The following RDH12 variants were observed in gnomAD, a reference collection of about 807,000 sequenced individuals.
RDH12 encodes the protein retinol dehydrogenase 12, also known as all-trans and 9-cis retinol dehydrogenase.
RDH12 carries 21 observed loss-of-function variants against 34.0 expected under a neutral mutation model. The observed-to-expected ratio is 0.62, with a 90% CI of 0.44 to 0.89. The LOEUF (loss-of-function observed/expected upper bound fraction) is 0.89, where lower values mean the gene tolerates loss of function less well. Among genes scored for constraint, RDH12 ranks in the 40% least tolerant of loss-of-function variants. RDH12 has a pLI of 0.00. For synonymous variants in RDH12, 198 were observed against 169.9 expected (o/e 1.17, Z -1.29); for missense variants, 394 against 398.6 (o/e 0.99, Z 0.10).
At position 67,724,589 on chromosome 14, in the gene RDH12, G is replaced by T. The variant is rs778481181; in HGVS notation, c.185G>T (p.Arg62Leu). The T allele has an allele frequency of 8.5e-5, 137 of 1,611,080 alleles. 1 individual carries two copies. In the South Asian group the frequency reaches 1.5e-3, roughly 17 times the overall value. The change falls in exon 4 of 9, where the codon CGA (arginine) becomes CTA (leucine). Residue 62 changes from arginine to leucine, a missense_variant and splice_region_variant. Physicochemically the swap from Arg to Leu is moderately radical, Grantham distance 102. Coordinates refer to ENST00000551171, the MANE Select transcript of RDH12 (RefSeq NM_152443.3). ...GKETARELAS[R>L]GARVYIACRD... ...GAGACGGCCAGAGAGCTCGCTAGCC[G>T]AGGTAAGTGTTTCCCCTTTAGTCTC... is the stretch of plus-strand genomic sequence containing the variant.
At chr14:67,723,459 T>C (rs2038148423) in intron 3 of RDH12, among the ~76,000 whole-genome samples, 1 of 152,148 alleles carries the variant, frequency 6.6e-6, no homozygotes. Context: ...GGTCTCAAAC[T>C]CCTGGGCTTA....
chr14:67,707,275 C>T (rs950178555), intron 1 of RDH12, among the ~76,000 whole-genome samples: 1 of 152,158 alleles, frequency 6.6e-6, no homozygotes, highest in East Asian at 1.9e-4. Flanking sequence ...AATTGCAAAA[C>T]ATTAGGCAAG....
chr14:67,724,814 G>A (rs1272443487), intron 4 of RDH12, among the ~76,000 whole-genome samples: 1 of 152,134 alleles, frequency 6.6e-6, no homozygotes. Context: ...TAAGGAAAAC[G>A]ATGTCTGTGT....
At chr14:67,731,235 G>A (rs1262610297) in intron 8 of RDH12, among the ~76,000 whole-genome samples, 5 of 103,582 alleles carry the variant, frequency 4.8e-5, no homozygotes, top group Non-Finnish European at 7.1e-5. Context: ...TTTTTTTGGA[G>A]ACATAGTCTC....
At chr14:67,721,738 GATATATATATATAT>G (rs3039650) in intron 2 of RDH12, among the ~76,000 whole-genome samples, 43 of 147,036 alleles carry the variant, frequency 2.9e-4, no homozygotes, top group African/African-American at 9.5e-4. Context: ...AACAAGTGGG[GATATATATATATAT>G]ATATATATAT....
intron 1 of RDH12, chr14:67,717,867 C>G (rs2038084321): frequency 6.6e-6 from 1 of 152,148 alleles, no homozygotes; most frequent in Non-Finnish European, 1.5e-5. Context: ...AATTCACGAC[C>G]AGCATGGGCA....
chr14:67,713,286 A>C (rs72723163), intron 1 of RDH12, among the ~76,000 whole-genome samples: 19,352 of 151,186 alleles, frequency 0.13, 1,238 homozygotes, highest in Admixed American at 0.15. Flanking sequence ...ACAAAAAAAA[A>C]CCTCATTTTC....
At chr14:67,728,703 T>TGTG (rs1555390958) in intron 7 of RDH12, among the ~76,000 whole-genome samples, 2 of 142,154 alleles carry the variant, frequency 1.4e-5, no homozygotes, top group Admixed American at 7.0e-5. Flanking sequence ...GGATATCTTG[T>TGTG]GGGGGGGGGG....
At position 67,715,674 on chromosome 14, in the gene RDH12, G is replaced by T. The variant is rs565429161; in HGVS notation, c.-274-5174G>T. Among the ~76,000 whole-genome samples, 46 of 152,220 alleles carry T rather than the reference G, an allele frequency of 3.0e-4. 1 individual carries two copies. The highest frequency in any genetic ancestry group is 1.1e-3 in the African/African-American group (45 of 41,528). On this transcript the variant is annotated intron_variant, in intron 1 of 8. Transcript: ENST00000551171. Reference sequence around the variant, plus strand: ...TTCTTTTTGTAAGTATCTTCTGAAGGAGTGACTCACCATTTACTTCTATTG... The same window carrying T: ...TTCTTTTTGTAAGTATCTTCTGAAGTAGTGACTCACCATTTACTTCTATTG...
chr14:67,726,005 G>A, intron 5 of RDH12, 46 bp from the exon 6 acceptor site: 1 of 1,297,014 alleles, frequency 7.7e-7, no homozygotes, highest in Non-Finnish European at 1.1e-6. Flanking sequence ...CAGGCAGCTA[G>A]GGGACTCCTT....
In RDH12 at chr14:67,727,060, G is replaced by A; in HGVS notation, c.528G>A (p.Val176=). ...CACGGGTGGTTAATGTGTCCTCGGT[G>A]GCTCACCACATTGGCAAGATTCCCT... ...APARVVNVSS[V]AHHIGKIPFH... is the part of the protein sequence containing the mutation. Residue 176 remains valine (V), a synonymous_variant, in exon 7 of 9, where the codon GTG becomes GTA. Coordinates refer to ENST00000551171, the MANE Select transcript of RDH12 (RefSeq NM_152443.3). 6.2e-7 allele frequency: 1 copy of A among 1,614,058 alleles called. No individual in the cohort carries two copies. Among genetic ancestry groups the A allele is most frequent in the Non-Finnish European group, 8.5e-7 (1 of 1,180,044 alleles).
At chr14:67,703,737 A>G (rs2037924408) in intron 1 of RDH12, among the ~76,000 whole-genome samples, 1 of 151,950 alleles carries the variant, frequency 6.6e-6, no homozygotes, top group Non-Finnish European at 1.5e-5. Flanking sequence ...GTGCAGTGGC[A>G]TGATCACAGC....
chr14:67,709,992 A>G (rs1476201110), intron 1 of RDH12, among the ~76,000 whole-genome samples: 1 of 152,226 alleles, frequency 6.6e-6, no homozygotes, highest in African/African-American at 2.4e-5. Context: ...CTAATCAGAA[A>G]CTCAAAAGAA....
chr14:67,712,826 A>G (rs1120877), intron 1 of RDH12, among the ~76,000 whole-genome samples: 20,350 of 152,108 alleles, frequency 0.13, 1,396 homozygotes, highest in East Asian at 0.21. Flanking sequence ...TTCAGTTGGC[A>G]GCTAGCAAAA....
At chr14:67,731,187 CTCATCATATTTCTTTCTTTCTTTTT>C (rs2038266465) in intron 8 of RDH12, among the ~76,000 whole-genome samples, 1 of 141,370 alleles carries the variant, frequency 7.1e-6, no homozygotes, top group South Asian at 2.3e-4. Context: ...AATTGTGTTT[CTCATCATATTTCTTTCTTTCTTTTT>C]TTTTTTTTTT....
intron 8 of RDH12, among the ~76,000 whole-genome samples, 197 bp from the exon 9 acceptor site, chr14:67,733,549 A>G (rs1254839285): frequency 6.6e-6 from 1 of 152,224 alleles, no homozygotes; most frequent in African/African-American, 2.4e-5. Context: ...GAATATATTA[A>G]TAAATAAGCC....
chr14:67,703,684 T>C (rs1250243503), intron 1 of RDH12, among the ~76,000 whole-genome samples: 1 of 152,170 alleles, frequency 6.6e-6, no homozygotes, highest in Non-Finnish European at 1.5e-5. Flanking sequence ...ATGTCTTTTT[T>C]TATTTTTCCG....
chr14:67,715,604 T>C (rs2320028), intron 1 of RDH12, among the ~76,000 whole-genome samples: 147,750 of 152,292 alleles, frequency 0.97, 71,804 homozygotes, highest in South Asian at 1. Flanking sequence ...AATCCCTTAG[T>C]TTCATTTCTA....
rs1354030574 is a variant in RDH12 at position 67,734,076 on chromosome 14, G to A, written c.*228G>A. On this transcript the variant is annotated 3_prime_UTR_variant, in exon 9 of 9. Transcript: ENST00000551171. The stretch of plus-strand genomic sequence containing the variant: ...TATAGAGTGTTCTTCTCTAAGACCT[G>A]GAAAGTCAGCAACCCTCTGGGGGCA... 4.9e-6 allele frequency: 2 copies of A among 408,096 alleles called. No homozygotes were observed. Among genetic ancestry groups the A allele is most frequent in the African/African-American group, 2.0e-5 (1 of 48,786 alleles). 25.3% of individuals were successfully genotyped at this position (408,096 alleles called of 1,614,324 possible).
Sources: allele counts gnomAD v4.1 joint callset (sites outside exome capture counted in the v4.1 genomes callset), GRCh38; gene constraint gnomAD v4.1.1; transcripts MANE v1.5; gene names NCBI Gene and HGNC (gene_info 2026-07-23, HGNC 2026-07-21).